The following ADAMTSL3 variants were observed in gnomAD, a reference collection of about 807,000 sequenced individuals.
The protein encoded by ADAMTSL3 is ADAMTS like 3, also known as ADAMTS-like protein 3.
A neutral mutation model predicts 201.7 loss-of-function variants in ADAMTSL3; 128 were observed. That is an observed-to-expected ratio of 0.63 (90% CI 0.55 to 0.73). ADAMTSL3 has a LOEUF of 0.73. Among genes scored for constraint, ADAMTSL3 ranks in the 30% least tolerant of loss-of-function variants. The pLI, the probability that ADAMTSL3 is intolerant of heterozygous loss-of-function variation, is 0.00. For missense variants in ADAMTSL3, 1,990 were observed against 2,119.6 expected, an observed-to-expected ratio of 0.94 and a Z score of 1.20; for synonymous variants, 738 against 748.4, an observed-to-expected ratio of 0.99 and a Z score of 0.23.
At chr15:83,906,626 A>G (rs1390851878) in intron 15 of ADAMTSL3, among the ~76,000 whole-genome samples, 1 of 4,044 alleles carries the variant, frequency 2.5e-4, no homozygotes, top group Non-Finnish European at 3.8e-4. Context: ...CACACACCAC[A>G]CACACACACA....
intron 2 of ADAMTSL3, among the ~76,000 whole-genome samples, chr15:83,695,282 G>C (rs2061673021): frequency 1.9e-5 from 2 of 102,662 alleles, no homozygotes; most frequent in South Asian, 6.6e-4. Context: ...TCTTTGAGAA[G>C]GGGAGGGAAG....
intron 28 of ADAMTSL3, among the ~76,000 whole-genome samples, chr15:84,031,999 G>T (rs1390744464): frequency 6.6e-6 from 1 of 152,140 alleles, no homozygotes; most frequent in Non-Finnish European, 1.5e-5. Flanking sequence ...AGATCCAGAT[G>T]CCCTCCATCT....
At chr15:83,801,692 A>ATG (rs1336501473) in intron 4 of ADAMTSL3, among the ~76,000 whole-genome samples, 195 of 86,032 alleles carry the variant, frequency 2.3e-3, no homozygotes, top group Middle Eastern at 5.0e-3. Context: ...ATATATATAT[A>ATG]TATGTATGTA....
chr15:83,996,955 CTATT>C (rs1567291139), intron 23 of ADAMTSL3, among the ~76,000 whole-genome samples: 1 of 152,002 alleles, frequency 6.6e-6, no homozygotes, highest in Admixed American at 6.6e-5. Context: ...CATTTCATAT[CTATT>C]GGGCAAAAGT....
intron 6 of ADAMTSL3, among the ~76,000 whole-genome samples, chr15:83,823,246 A>G (rs933736320): frequency 1.4e-5 from 2 of 147,688 alleles, no homozygotes; most frequent in Non-Finnish European, 1.5e-5. Context: ...GAGAGCTGAA[A>G]AATATTTTTA....
chr15:83,733,974 G>A (rs377118245), intron 3 of ADAMTSL3, among the ~76,000 whole-genome samples: 11 of 152,202 alleles, frequency 7.2e-5, no homozygotes, highest in East Asian at 3.9e-4. Flanking sequence ...CAATGCAGGC[G>A]GACATTTAAT....
chr15:83,908,644 C>G (rs2065881920), intron 15 of ADAMTSL3, among the ~76,000 whole-genome samples: 3 of 152,186 alleles, frequency 2.0e-5, no homozygotes, highest in Admixed American at 2.0e-4. Context: ...GTACCCCTGT[C>G]TTTATGTTCC....
In ADAMTSL3 at chr15:83,892,808, A is replaced by G. The variant is rs748672224; in HGVS notation, c.1387A>G (p.Met463Val). ...ATTGCAGGTGGAAGAATGGAAGTGC[A>G]TGTACGCACCCAAACCCAAGGTTAT... ...EILQVEEWKC[M>V]YAPKPKVMQT... Residue 463 changes from methionine (M) to valine (V), a missense_variant, in exon 13 of 30, where the codon ATG becomes GTG. Transcript: ENST00000286744. 17 of 1,614,170 alleles carry G rather than the reference A, an allele frequency of 1.1e-5. No individual in the cohort carries two copies. The South Asian group carries it at 1.5e-4, about 15-fold the overall frequency.
At chr15:84,027,452 C>T (rs190771100) in intron 27 of ADAMTSL3, among the ~76,000 whole-genome samples, 5 of 152,290 alleles carry the variant, frequency 3.3e-5, no homozygotes, top group Admixed American at 2.0e-4. Context: ...AGGCCGGGCG[C>T]GGTGACTCAC....
intron 2 of ADAMTSL3, among the ~76,000 whole-genome samples, chr15:83,680,680 T>A: frequency 6.6e-6 from 1 of 152,012 alleles, no homozygotes; most frequent in East Asian, 1.9e-4. Flanking sequence ...TTTTTATCCC[T>A]AATTCTCACA....
chr15:83,929,077 C>T lies in ADAMTSL3; in HGVS notation c.2117+5044C>T, dbSNP rs540657458. Among the ~76,000 whole-genome samples the T allele has an allele frequency of 1.4e-4, 21 of 152,300 alleles. No individual in the cohort carries two copies. The East Asian group carries it at 1.5e-3, about 11-fold the overall frequency. On this transcript the variant is annotated intron_variant, in intron 17 of 29. Coordinates refer to ENST00000286744, the MANE Select transcript of ADAMTSL3 (RefSeq NM_207517.3). ...TCCTGCTCTGATCCATGTGCACACACGACTATGAAAGATCTTTATCTTTCT... is the reference window on the plus strand; with the variant it reads ...TCCTGCTCTGATCCATGTGCACACATGACTATGAAAGATCTTTATCTTTCT...
chr15:83,685,818 A>T (rs926225918), intron 2 of ADAMTSL3, among the ~76,000 whole-genome samples: 2 of 152,164 alleles, frequency 1.3e-5, no homozygotes, highest in African/African-American at 4.8e-5. Context: ...CATCTAGTAG[A>T]TGCCTGGCAT....
chr15:83,822,564 G>A (rs1253837004), intron 6 of ADAMTSL3, among the ~76,000 whole-genome samples: 2 of 147,912 alleles, frequency 1.4e-5, no homozygotes, highest in African/African-American at 2.5e-5. Flanking sequence ...ACGGGGCGGC[G>A]GGGCAGAGGC....
intron 16 of ADAMTSL3, among the ~76,000 whole-genome samples, chr15:83,920,683 A>T (rs1168244516): frequency 6.6e-6 from 1 of 152,216 alleles, no homozygotes. Context: ...ATATAGCATT[A>T]TACGTGCCCA....
rs1258323412 is a variant in ADAMTSL3 at position 83,784,267 on chromosome 15, T to TA, written c.317+10618dup. 3.3e-5 allele frequency among the ~76,000 whole-genome samples: 5 copies of TA among 152,326 alleles called. No individual in the cohort carries two copies. The East Asian group carries it at 7.7e-4, about 24-fold the overall frequency. On this transcript the variant is annotated intron_variant, in intron 4 of 29. Coordinates refer to ENST00000286744, the MANE Select transcript of ADAMTSL3 (RefSeq NM_207517.3). ...ACTTTTGTCTTAGACTAACTGCCCC[T>TA]ATGCCACTGATTGGCAGGAATTGGC...
At chr15:83,939,878 T>G (rs2066524753) in intron 17 of ADAMTSL3, among the ~76,000 whole-genome samples, 1 of 152,148 alleles carries the variant, frequency 6.6e-6, no homozygotes, top group South Asian at 2.1e-4. Context: ...CACCTCAGCC[T>G]CCCAAAGTGA....
At chr15:83,980,384 C>A (rs1347755095) in intron 20 of ADAMTSL3, among the ~76,000 whole-genome samples, 1 of 152,084 alleles carries the variant, frequency 6.6e-6, no homozygotes, top group Non-Finnish European at 1.5e-5. Flanking sequence ...TTTTGAACAC[C>A]ATCTATATTA....
chr15:83,846,294 C>T (rs1275865664), intron 7 of ADAMTSL3, among the ~76,000 whole-genome samples: 1 of 152,122 alleles, frequency 6.6e-6, no homozygotes, highest in Non-Finnish European at 1.5e-5. Context: ...ACTACTATAC[C>T]CTCCCCATTT....
chr15:83,848,041 GGT>G (rs200958013), intron 7 of ADAMTSL3, among the ~76,000 whole-genome samples: 1 of 151,178 alleles, frequency 6.6e-6, no homozygotes, highest in Non-Finnish European at 1.5e-5. Context: ...CCTTGGGAAT[GGT>G]GTGTGTGTGT....
Sources: allele counts gnomAD v4.1 joint callset (sites outside exome capture counted in the v4.1 genomes callset), GRCh38; gene constraint gnomAD v4.1.1; transcripts MANE v1.5; gene names NCBI Gene and HGNC (gene_info 2026-07-23, HGNC 2026-07-21).